Variants in MAN1A2 observed in about 807,000 individuals in gnomAD.
MAN1A2 encodes mannosidase alpha class 1A member 2, also known as mannosyl-oligosaccharide 1,2-alpha-mannosidase IB.
A neutral mutation model predicts 75.7 loss-of-function variants in MAN1A2; 26 were observed. The observed-to-expected ratio is 0.34, with a 90% CI of 0.25 to 0.48. The LOEUF (loss-of-function observed/expected upper bound fraction) is 0.48, where lower values mean the gene tolerates loss of function less well. MAN1A2 is among the 20% of genes least tolerant of loss of function. The probability of loss-of-function intolerance (pLI) is 0.99; values close to 1 mark genes in which losing one functional copy is unlikely to be tolerated. For missense variants in MAN1A2, 562 were observed against 775.5 expected, an observed-to-expected ratio of 0.72 and a Z score of 3.27; for synonymous variants, 247 against 264.6, an observed-to-expected ratio of 0.93 and a Z score of 0.65.
chr1:117,506,140 CTT>C (rs1030595718), intron 12 of MAN1A2, among the ~76,000 whole-genome samples: 1 of 151,406 alleles, frequency 6.6e-6, no homozygotes, highest in Non-Finnish European at 1.5e-5. Flanking sequence ...AGTATGGTCT[CTT>C]AAATATTTCT....
chr1:117,398,950 G>A (rs1570711596), intron 1 of MAN1A2, among the ~76,000 whole-genome samples: 1 of 152,132 alleles, frequency 6.6e-6, no homozygotes, highest in East Asian at 1.9e-4. Context: ...GAGAGTGAAT[G>A]TGTGAAGACT....
At chr1:117,397,871 C>T (rs141269261) in intron 1 of MAN1A2, among the ~76,000 whole-genome samples, 11 of 151,904 alleles carry the variant, frequency 7.2e-5, no homozygotes, top group Middle Eastern at 3.4e-3. Flanking sequence ...AGGCTGGTCT[C>T]GAACTCCTGA....
At chr1:117,399,299 G>A (rs762096728) in intron 1 of MAN1A2, among the ~76,000 whole-genome samples, 6 of 152,148 alleles carry the variant, frequency 3.9e-5, no homozygotes, top group Non-Finnish European at 7.4e-5. Flanking sequence ...TTGCAAACAT[G>A]GTCGGGGATT....
At chr1:117,372,235 G>A (rs1652986687) in intron 1 of MAN1A2, among the ~76,000 whole-genome samples, 1 of 152,198 alleles carries the variant, frequency 6.6e-6, no homozygotes, top group Admixed American at 6.5e-5. Context: ...TATTGGCTTA[G>A]ATCGCAGTGG....
intron 5 of MAN1A2, among the ~76,000 whole-genome samples, chr1:117,439,875 G>A (rs998760955): frequency 6.6e-6 from 1 of 152,174 alleles, no homozygotes; most frequent in Non-Finnish European, 1.5e-5. Flanking sequence ...GCTGGTAGAA[G>A]TATAAATTAG....
At chr1:117,412,623 T>C (rs1647859947) in intron 3 of MAN1A2, among the ~76,000 whole-genome samples, 1 of 151,884 alleles carries the variant, frequency 6.6e-6, no homozygotes, top group African/African-American at 2.4e-5. Flanking sequence ...CTGCTTTAGT[T>C]GATTCACTTG....
intron 1 of MAN1A2, among the ~76,000 whole-genome samples, chr1:117,393,049 A>T (rs143398835): frequency 1.9e-3 from 294 of 152,322 alleles, no homozygotes; most frequent in Middle Eastern, 3.4e-3. Flanking sequence ...CCCAAATGTG[A>T]TACAATTTGT....
intron 5 of MAN1A2, among the ~76,000 whole-genome samples, chr1:117,439,950 A>G (rs1407596155): frequency 6.6e-6 from 1 of 152,224 alleles, no homozygotes; most frequent in Non-Finnish European, 1.5e-5. Context: ...ATACTGATTG[A>G]GACAACAAAT....
At chr1:117,404,974 G>A (rs1647567175) in intron 2 of MAN1A2, among the ~76,000 whole-genome samples, 1 of 152,164 alleles carries the variant, frequency 6.6e-6, no homozygotes, top group Non-Finnish European at 1.5e-5. Context: ...GTGAACCCGG[G>A]AGGTGGAGCT....
chr1:117,434,776 T>C (rs1231551093), intron 5 of MAN1A2, among the ~76,000 whole-genome samples: 1 of 151,462 alleles, frequency 6.6e-6, no homozygotes, highest in Non-Finnish European at 1.5e-5. Context: ...TGTGTGTGTG[T>C]GTGTGTGTGT....
intron 5 of MAN1A2, among the ~76,000 whole-genome samples, chr1:117,423,557 G>T (rs898864175): frequency 6.6e-6 from 1 of 151,846 alleles, no homozygotes; most frequent in African/African-American, 2.4e-5. Context: ...TACAGATCTT[G>T]TATGTATTTT....
chr1:117,444,154 G>A (rs778480005), intron 6 of MAN1A2, among the ~76,000 whole-genome samples: 10 of 151,984 alleles, frequency 6.6e-5, no homozygotes, highest in Admixed American at 2.6e-4. Flanking sequence ...ATGGAAATAC[G>A]ATTCCAGGTT....
chr1:117,402,462 A>C, intron 2 of MAN1A2, 21 bp downstream of exon 2: 4 of 1,569,534 alleles, frequency 2.5e-6, no homozygotes, highest in Non-Finnish European at 3.4e-6. Flanking sequence ...GAGTTTTGTG[A>C]TATGGAGTGT....
chr1:117,517,592 A>G (rs543500362), intron 12 of MAN1A2, among the ~76,000 whole-genome samples: 3 of 152,066 alleles, frequency 2.0e-5, no homozygotes, highest in Non-Finnish European at 4.4e-5. Context: ...AAAATGAAAC[A>G]AGAGCAAAAA....
chr1:117,383,225 A>G (rs1653412089), intron 1 of MAN1A2, among the ~76,000 whole-genome samples: 1 of 151,832 alleles, frequency 6.6e-6, no homozygotes, highest in African/African-American at 2.4e-5. Flanking sequence ...TAGTATGAGC[A>G]TAAGTCCTTT....
chr1:117,506,852 G>A (rs1402848192), intron 12 of MAN1A2, among the ~76,000 whole-genome samples: 1 of 151,372 alleles, frequency 6.6e-6, no homozygotes, highest in Non-Finnish European at 1.5e-5. Context: ...AGGTAGAATT[G>A]ACAAACCTGA....
At chr1:117,393,892 G>C (rs1204599904) in intron 1 of MAN1A2, among the ~76,000 whole-genome samples, 1 of 152,132 alleles carries the variant, frequency 6.6e-6, no homozygotes, top group African/African-American at 2.4e-5. Flanking sequence ...AAGAAATAAT[G>C]TATCAATGGA....
intron 1 of MAN1A2, among the ~76,000 whole-genome samples, chr1:117,390,594 T>G (rs879698906): frequency 6.6e-6 from 1 of 151,890 alleles, no homozygotes; most frequent in African/African-American, 2.4e-5. Flanking sequence ...TCTGTTCTTT[T>G]GTTTTATATT....
At chr1:117,371,853 A>G (rs1389167881) in intron 1 of MAN1A2, among the ~76,000 whole-genome samples, 2 of 151,720 alleles carry the variant, frequency 1.3e-5, no homozygotes, top group Non-Finnish European at 2.9e-5. Context: ...GGTTATGGCA[A>G]CATCCAGTGT....
Sources: allele counts gnomAD v4.1 joint callset (sites outside exome capture counted in the v4.1 genomes callset), GRCh38; gene constraint gnomAD v4.1.1; transcripts MANE v1.5; gene names NCBI Gene and HGNC (gene_info 2026-07-23, HGNC 2026-07-21).